MECOM: variants seen among roughly 807,000 people sequenced by gnomAD.
The protein encoded by MECOM is histone-lysine N-methyltransferase MECOM.
A neutral mutation model predicts 116.3 loss-of-function variants in MECOM; 13 were observed. That is an observed-to-expected ratio of 0.11 (90% confidence interval 0.07 to 0.18). The LOEUF (loss-of-function observed/expected upper bound fraction) is 0.18. MECOM is among the 10% of genes least tolerant of loss of function. The pLI is 1.00. For missense variants in MECOM, 1,299 were observed against 1,509.0 expected (o/e 0.86, Z 2.31); for synonymous variants, 528 against 535.2 (o/e 0.99, Z 0.19).
At chr3:169,526,290 G>A (rs1757961210) in intron 1 of MECOM, among the ~76,000 whole-genome samples, 1 of 152,162 alleles carries the variant, frequency 6.6e-6, no homozygotes, top group African/African-American at 2.4e-5. Flanking sequence ...GTATTAAAAA[G>A]ATCAGTTTTG....
At chr3:169,111,847 T>C (rs1727512437) in intron 9 of MECOM, among the ~76,000 whole-genome samples, 1 of 152,134 alleles carries the variant, frequency 6.6e-6, no homozygotes, top group African/African-American at 2.4e-5. Flanking sequence ...TGATCTTTAT[T>C]TAATTAATTT....
At chr3:169,363,505 C>G (rs1316470505) in intron 2 of MECOM, among the ~76,000 whole-genome samples, 1 of 151,818 alleles carries the variant, frequency 6.6e-6, no homozygotes, top group Non-Finnish European at 1.5e-5. Flanking sequence ...CAAGGCACAC[C>G]TTTGTTTCAT....
intron 1 of MECOM, among the ~76,000 whole-genome samples, chr3:169,657,855 G>C (rs1477289948): frequency 1.3e-5 from 2 of 152,204 alleles, no homozygotes; most frequent in African/African-American, 2.4e-5. Flanking sequence ...AGTAAGCAAA[G>C]GTAATTAACA....
intron 2 of MECOM, among the ~76,000 whole-genome samples, chr3:169,374,156 T>G (rs1453081906): frequency 6.6e-6 from 1 of 151,512 alleles, no homozygotes; most frequent in East Asian, 2.0e-4. Flanking sequence ...TCTCTCTCTC[T>G]CCACCTGCCC....
At chr3:169,423,366 G>A (rs1740093719) in intron 1 of MECOM, among the ~76,000 whole-genome samples, 1 of 152,042 alleles carries the variant, frequency 6.6e-6, no homozygotes, top group African/African-American at 2.4e-5. Flanking sequence ...TTTGCCTAAA[G>A]TTCCTTTCTG....
At chr3:169,530,025 A>G (rs896207090) in intron 1 of MECOM, among the ~76,000 whole-genome samples, 1 of 152,246 alleles carries the variant, frequency 6.6e-6, no homozygotes, top group Non-Finnish European at 1.5e-5. Context: ...ACAAATTGGT[A>G]TGAAGAACAA....
chr3:169,469,678 A>G lies in MECOM; in HGVS notation c.38-88154T>C, dbSNP rs541047626. 1.2e-4 allele frequency among the ~76,000 whole-genome samples: 18 copies of G among 152,286 alleles called. No individual in the cohort carries two copies. The South Asian group carries it at 3.7e-3, about 32-fold the overall frequency. ...CCTTGCATTCATAAACTCTGTGTCC[A>G]CAGAGATACATGCATTTTTCCAGAA... On this transcript the variant is annotated intron_variant, in intron 1 of 16. Coordinates refer to ENST00000651503, the MANE Select transcript of MECOM (RefSeq NM_004991.4).
At chr3:169,627,635 A>G (rs979960607) in intron 1 of MECOM, among the ~76,000 whole-genome samples, 1 of 152,242 alleles carries the variant, frequency 6.6e-6, no homozygotes, top group Non-Finnish European at 1.5e-5. Flanking sequence ...TTCTAGTAAT[A>G]ATGGATTCTA....
intron 1 of MECOM, chr3:169,389,670 G>T (rs1733925820): frequency 3.0e-5 from 23 of 779,624 alleles, no homozygotes; most frequent in Non-Finnish European, 3.6e-5. Flanking sequence ...CAGCAGACTG[G>T]GTGGTTACTC....
At chr3:169,213,930 TG>T (rs1751101581) in intron 2 of MECOM, among the ~76,000 whole-genome samples, 1 of 152,132 alleles carries the variant, frequency 6.6e-6, no homozygotes, top group East Asian at 1.9e-4. Context: ...AGTCTGTGAC[TG>T]GAGGAAGAAA....
chr3:169,150,633 G>A (rs531453503), intron 2 of MECOM, among the ~76,000 whole-genome samples: 24 of 152,118 alleles, frequency 1.6e-4, no homozygotes, highest in African/African-American at 4.6e-4. Flanking sequence ...GTATAGCTTC[G>A]GGGAAAGAAA....
At chr3:169,531,028 A>G (rs1758562098) in intron 1 of MECOM, among the ~76,000 whole-genome samples, 1 of 152,164 alleles carries the variant, frequency 6.6e-6, no homozygotes, top group South Asian at 2.1e-4. Context: ...TCAGCACTTC[A>G]GATAGACAGA....
intron 2 of MECOM, among the ~76,000 whole-genome samples, chr3:169,296,542 A>G (rs1430440): frequency 0.16 from 24,019 of 152,184 alleles, 2,751 homozygotes; most frequent in East Asian, 0.41. Context: ...CTGAGCAAAT[A>G]GGAATTAGCT....
chr3:169,511,492 T>C (rs1244484661), intron 1 of MECOM, among the ~76,000 whole-genome samples: 32 of 152,226 alleles, frequency 2.1e-4, no homozygotes, highest in Admixed American at 2.1e-3. Context: ...CCAGGTGCAG[T>C]GGCTCATGCC....
At chr3:169,393,224 G>T (rs1342653347) in intron 1 of MECOM, among the ~76,000 whole-genome samples, 3 of 152,112 alleles carry the variant, frequency 2.0e-5, no homozygotes, top group African/African-American at 7.2e-5. Flanking sequence ...AGTCCTGATG[G>T]ATCTCAGAAC....
intron 1 of MECOM, among the ~76,000 whole-genome samples, chr3:169,440,376 G>A (rs1477405094): frequency 6.6e-6 from 1 of 152,140 alleles, no homozygotes; most frequent in African/African-American, 2.4e-5. Context: ...AGGGGTTGTG[G>A]AGCCCATGCT....
At chr3:169,178,695 T>C (rs9653987) in intron 2 of MECOM, among the ~76,000 whole-genome samples, 13,192 of 152,310 alleles carry the variant, frequency 0.087, 645 homozygotes, top group South Asian at 0.2. Flanking sequence ...AAAATATAAA[T>C]TCTTCAGTTC....
At chr3:169,559,478 G>A (rs150517902) in intron 1 of MECOM, among the ~76,000 whole-genome samples, 233 of 152,232 alleles carry the variant, frequency 1.5e-3, no homozygotes, top group African/African-American at 5.3e-3. Context: ...TCTACTATAC[G>A]TCTGTAAACT....
At chr3:169,504,779 G>A (rs868859707) in intron 1 of MECOM, among the ~76,000 whole-genome samples, 1 of 152,076 alleles carries the variant, frequency 6.6e-6, no homozygotes, top group Non-Finnish European at 1.5e-5. Context: ...GAAACCAGGG[G>A]GTTCATGTTA....
Sources: allele counts gnomAD v4.1 joint callset (sites outside exome capture counted in the v4.1 genomes callset), GRCh38; gene constraint gnomAD v4.1.1; transcripts MANE v1.5; gene names NCBI Gene and HGNC (gene_info 2026-07-23, HGNC 2026-07-21).